SGK3: variants seen among roughly 807,000 people sequenced by gnomAD.
SGK3 encodes serum/glucocorticoid regulated kinase family member 3, also known as serine/threonine-protein kinase Sgk3.
SGK3 carries 47 observed loss-of-function variants against 68.5 expected under a neutral mutation model. That is an observed-to-expected ratio of 0.69 (90% CI 0.54 to 0.87). The LOEUF is 0.87. SGK3 is among the 40% of genes least tolerant of loss of function. The probability of loss-of-function intolerance (pLI) is 0.00; values close to 1 mark genes in which losing one functional copy is unlikely to be tolerated. For missense variants in SGK3, 479 were observed against 575.5 expected (o/e 0.83, Z 1.72); for synonymous variants, 181 against 189.1 (o/e 0.96, Z 0.35).
rs2130767873 is a variant in SGK3, at chr8:66,859,411, G to A, written c.1321G>A (p.Ala441Thr). 6.2e-7 allele frequency: 1 copy of A among 1,601,846 alleles called. No homozygotes were observed. ...TAATACTGTGCTTTTGATGTTTTAG[G>A]CTGGACCAGATGATATCAGAAACTT... ...KIPPPFNPNVAGPDDIRNFDT... is the reference protein window; with the variant it reads ...KIPPPFNPNVTGPDDIRNFDT... Residue 441 changes from alanine to threonine, a missense_variant and splice_region_variant, in exon 17 of 17, where the codon GCT becomes ACT. Physicochemically the swap from Ala to Thr is moderately conservative, Grantham distance 58. Transcript: ENST00000521198.
chr8:66,781,370 C>T (rs549672563), intron 1 of SGK3, among the ~76,000 whole-genome samples: 88 of 152,236 alleles, frequency 5.8e-4, no homozygotes, highest in African/African-American at 1.9e-3. Flanking sequence ...TTTAAAGAGA[C>T]GGGGTCTAGC....
chr8:66,795,403 A>G (rs1432188641), intron 2 of SGK3, among the ~76,000 whole-genome samples: 3 of 152,194 alleles, frequency 2.0e-5, no homozygotes, highest in Non-Finnish European at 4.4e-5. Context: ...TGTATAAGCA[A>G]ATTTTTAGCA....
chr8:66,808,320 G>A (rs1277956216), intron 4 of SGK3, among the ~76,000 whole-genome samples: 2 of 152,130 alleles, frequency 1.3e-5, no homozygotes, highest in Non-Finnish European at 2.9e-5. Flanking sequence ...ATGGGATTTT[G>A]ACTGTATATT....
At chr8:66,745,126 C>G (rs577272242) in intron 1 of SGK3, among the ~76,000 whole-genome samples, 1 of 151,990 alleles carries the variant, frequency 6.6e-6, no homozygotes, top group African/African-American at 2.4e-5. Context: ...TTTGTCTATT[C>G]CTAGCATTCT....
At chr8:66,744,496 TATATATATATATATATATA>T (rs1563605510) in intron 1 of SGK3, among the ~76,000 whole-genome samples, 20 of 23,058 alleles carry the variant, frequency 8.7e-4, no homozygotes, top group African/African-American at 2.3e-3. Flanking sequence ...TATATATATA[TATATATATATATATATATA>T]TATATTTTTT....
intron 1 of SGK3, among the ~76,000 whole-genome samples, chr8:66,745,324 C>A (rs559559624): frequency 6.6e-6 from 1 of 152,134 alleles, no homozygotes; most frequent in African/African-American, 2.4e-5. Context: ...GTAATCCCAG[C>A]ACTTTGGGAG....
chr8:66,746,589 T>C lies in SGK3; in HGVS notation c.-122+33756T>C, dbSNP rs181899838. ...TTTTTTTAAAGGCAAAATCTCATTC[T>C]GTCACCCAGAGTGGAGTGCAGTAGC... On this transcript the variant is annotated intron_variant, in intron 1 of 16. Transcript: ENST00000521198. 2.8e-3 allele frequency among the ~76,000 whole-genome samples: 433 copies of C among 152,164 alleles called. 2 individuals are homozygous for C. The highest frequency in any genetic ancestry group is 4.1e-3 in the Non-Finnish European group (279 of 67,982).
In SGK3 at chr8:66,758,658, G is replaced by A. The variant is rs1446539532; in HGVS notation, c.-121-34958G>A. The stretch of plus-strand genomic sequence containing the variant: ...CTAAGTAGTAGCTTCTTAGATATTA[G>A]ATACAATGTGGATCCTGAATCCATA... On this transcript the variant is annotated intron_variant, in intron 1 of 16. Coordinates refer to ENST00000521198, the MANE Select transcript of SGK3 (RefSeq NM_001033578.3). Among the ~76,000 whole-genome samples the A allele has an allele frequency of 2.0e-5, 3 of 152,050 alleles. No individual in the cohort carries two copies. In the East Asian group the frequency reaches 5.8e-4, roughly 29 times the overall value.
chr8:66,856,294 C>T (rs1431641112), intron 16 of SGK3, among the ~76,000 whole-genome samples: 1 of 152,076 alleles, frequency 6.6e-6, no homozygotes, highest in Non-Finnish European at 1.5e-5. Flanking sequence ...GTCTCGACCT[C>T]CTGACCTTGT....
At position 66,839,801 on chromosome 8, in the gene SGK3, G is replaced by C. The variant is rs1297117493; in HGVS notation, c.742-202G>C. 4 of 518,362 alleles carry C rather than the reference G, an allele frequency of 7.7e-6. No homozygotes were observed. The East Asian group carries it at 9.7e-5, about 13-fold the overall frequency. 32.1% of individuals were successfully genotyped at this position (518,362 alleles called of 1,614,324 possible). ...TTAGCAAGGGTAAACAAAGACACGT[G>C]GTTGAAGAGAGAGAATGATTGTTAG... On this transcript the variant is annotated intron_variant, in intron 10 of 16. Coordinates refer to ENST00000521198, the MANE Select transcript of SGK3 (RefSeq NM_001033578.3).
chr8:66,769,745 A>ATTC (rs1414821225), intron 1 of SGK3, among the ~76,000 whole-genome samples: 5 of 151,430 alleles, frequency 3.3e-5, no homozygotes, highest in Non-Finnish European at 7.4e-5. Context: ...TATTATTATT[A>ATTC]TTATTTTGTA....
At position 66,860,993 on chromosome 8, in the gene SGK3, C is replaced by G. The variant is rs753587366; in HGVS notation, c.*1412C>G. 1 of 152,064 alleles carries G rather than the reference C, an allele frequency of 6.6e-6. No individual in the cohort carries two copies. Among genetic ancestry groups the G allele is most frequent in the Non-Finnish European group, 1.5e-5 (1 of 68,038 alleles). 9.4% of individuals were successfully genotyped at this position (152,064 alleles called of 1,614,324 possible). ...CAAAAATTAGCCAGACATGGTGGCACATGCCTTTAGTCCCAGCTACTCTGG... is the reference window on the plus strand; with the variant it reads ...CAAAAATTAGCCAGACATGGTGGCAGATGCCTTTAGTCCCAGCTACTCTGG... On this transcript the variant is annotated 3_prime_UTR_variant, in exon 17 of 17. Coordinates refer to ENST00000521198, the MANE Select transcript of SGK3 (RefSeq NM_001033578.3).
In SGK3 at chr8:66,723,090, CA is replaced by C. The variant is rs1804845716; in HGVS notation, c.-122+10258del. ...AAACATTCAGAAGTAAGATTTTGTT[CA>C]TATATATATATATATATATATATAT... On this transcript the variant is annotated intron_variant, in intron 1 of 16. Transcript: ENST00000521198. Among the ~76,000 whole-genome samples, 26 of 21,274 alleles carry C rather than the reference CA, an allele frequency of 1.2e-3. 1 individual carries two copies. The highest frequency in any genetic ancestry group is 6.3e-3 in the African/African-American group (26 of 4,110). The allele number at this position is 21,274 out of a possible 152,430, so 14.0% of individuals were successfully genotyped here.
intron 1 of SGK3, among the ~76,000 whole-genome samples, chr8:66,717,922 G>A (rs1035930493): frequency 6.6e-6 from 1 of 152,046 alleles, no homozygotes; most frequent in East Asian, 1.9e-4. Context: ...GGCAGGTCTC[G>A]AACTCCTGGC....
intron 1 of SGK3, among the ~76,000 whole-genome samples, chr8:66,735,105 A>G (rs1282357915): frequency 1.3e-5 from 2 of 152,178 alleles, no homozygotes; most frequent in African/African-American, 4.8e-5. Context: ...AACTTTATCC[A>G]TAGGTATGTA....
At chr8:66,796,338 T>TA (rs1807691951) in intron 2 of SGK3, among the ~76,000 whole-genome samples, 1 of 139,102 alleles carries the variant, frequency 7.2e-6, no homozygotes, top group African/African-American at 2.6e-5. Flanking sequence ...TTTTTTTTTT[T>TA]TTTTTTTTTT....
At chr8:66,851,734 T>C (rs1260728121) in intron 16 of SGK3, among the ~76,000 whole-genome samples, 1 of 152,166 alleles carries the variant, frequency 6.6e-6, no homozygotes, top group Admixed American at 6.5e-5. Flanking sequence ...TTTATACTAT[T>C]AACAGTGTTA....
At chr8:66,754,515 G>C (rs982827445) in intron 1 of SGK3, among the ~76,000 whole-genome samples, 1 of 151,858 alleles carries the variant, frequency 6.6e-6, no homozygotes, top group South Asian at 2.1e-4. Flanking sequence ...TTTGGATTTC[G>C]GGTATTTACA....
At chr8:66,729,404 C>T (rs1293016318) in intron 1 of SGK3, among the ~76,000 whole-genome samples, 4 of 151,318 alleles carry the variant, frequency 2.6e-5, no homozygotes, top group Non-Finnish European at 4.4e-5. Context: ...TGCAGTGAGC[C>T]GAGATCGCGC....
Sources: allele counts gnomAD v4.1 joint callset (sites outside exome capture counted in the v4.1 genomes callset), GRCh38; gene constraint gnomAD v4.1.1; transcripts MANE v1.5; gene names NCBI Gene and HGNC (gene_info 2026-07-23, HGNC 2026-07-21).